GPC3: variants seen among roughly 807,000 people sequenced by gnomAD.
GPC3 encodes the protein glypican-3.
GPC3 carries 3 observed loss-of-function variants against 34.4 expected under a neutral mutation model. The ratio of observed to expected loss-of-function variants is 0.09; its 90% CI spans 0.04 to 0.23. The LOEUF (loss-of-function observed/expected upper bound fraction) is 0.23, where lower values mean the gene tolerates loss of function less well. Among genes scored for constraint, GPC3 ranks in the 10% least tolerant of loss-of-function variants. The pLI, the probability that GPC3 is intolerant of heterozygous loss-of-function variation, is 1.00. For synonymous variants in GPC3, 177 were observed against 174.0 expected (o/e 1.02, Z -0.13); for missense variants, 351 against 445.6 (o/e 0.79, Z 1.91).
chrX:133,887,844 T>C (rs891967665), intron 2 of GPC3, among the ~76,000 whole-genome samples: 4 of 111,856 alleles, frequency 3.6e-5, no homozygotes, highest in Admixed American at 9.6e-5. Context: ...CTTTTCGTTT[T>C]TGTTGCCTGA....
intron 7 of GPC3, among the ~76,000 whole-genome samples, chrX:133,590,306 T>C (rs1374628550): frequency 1.8e-5 from 2 of 111,254 alleles, no homozygotes; most frequent in Non-Finnish European, 3.8e-5. Context: ...TCTAAGGTAT[T>C]TTGTTATAGC....
intron 7 of GPC3, among the ~76,000 whole-genome samples, chrX:133,574,028 C>T (rs1295956963): frequency 8.9e-6 from 1 of 112,207 alleles, no homozygotes; most frequent in Non-Finnish European, 1.9e-5. Flanking sequence ...AACATGGGTC[C>T]ATCTTGAAAA....
chrX:133,952,612 T>C (rs1192931373), intron 2 of GPC3, among the ~76,000 whole-genome samples: 1 of 112,200 alleles, frequency 8.9e-6, no homozygotes, highest in Non-Finnish European at 1.9e-5. Flanking sequence ...AATGGGAAAA[T>C]CCTGGGCCAA....
chrX:133,802,105 G>A (rs1002582593), intron 2 of GPC3, among the ~76,000 whole-genome samples: 5 of 111,845 alleles, frequency 4.5e-5, no homozygotes, highest in African/African-American at 1.3e-4. Context: ...CAACATCAGA[G>A]TCAATACAAA....
chrX:133,967,926 C>A (rs2076471267), intron 1 of GPC3, among the ~76,000 whole-genome samples: 2 of 112,632 alleles, frequency 1.8e-5, no homozygotes, highest in African/African-American at 6.5e-5. Context: ...CCGTGTCCAG[C>A]CTGCTTTTTA....
intron 2 of GPC3, among the ~76,000 whole-genome samples, chrX:133,766,767 C>G (rs1383147683): frequency 8.9e-6 from 1 of 112,034 alleles, no homozygotes; most frequent in East Asian, 2.8e-4. Flanking sequence ...CACAGAACTC[C>G]TATTTGTCCA....
intron 4 of GPC3, among the ~76,000 whole-genome samples, chrX:133,693,156 AGTGTGTGT>A (rs57735935): frequency 0.037 from 3,287 of 89,314 alleles, 105 homozygotes; most frequent in African/African-American, 0.092. Flanking sequence ...TAATAAGACA[AGTGTGTGT>A]GTGTGTGTGT....
intron 1 of GPC3, among the ~76,000 whole-genome samples, chrX:133,980,236 G>A (rs2076532784): frequency 8.9e-6 from 1 of 112,169 alleles, no homozygotes; most frequent in Admixed American, 9.5e-5. Context: ...GGTAAGAGTT[G>A]CCAGCTAACT....
chrX:133,641,266 A>G (rs2070478302), intron 6 of GPC3, among the ~76,000 whole-genome samples: 1 of 110,611 alleles, frequency 9.0e-6, no homozygotes, highest in African/African-American at 3.3e-5. Flanking sequence ...ACTTGAGTTC[A>G]GGAGTTTGAG....
At chrX:133,801,147 A>G in intron 2 of GPC3, among the ~76,000 whole-genome samples, 1 of 111,958 alleles carries the variant, frequency 8.9e-6, no homozygotes, top group South Asian at 3.8e-4. Flanking sequence ...CTTTCTGGTA[A>G]GGAACACCTT....
Position 133,553,939 on chromosome X carries a change from G to A in GPC3, c.1574-17646C>T, listed in dbSNP as rs1003064608. ...GCTAGTTTACAGTTAATTCCTCAAT[G>A]GATTCTTTTCAGGGTTTCCATCCTG... On this transcript the variant is annotated intron_variant, in intron 7 of 7. Coordinates refer to ENST00000370818, the MANE Select transcript of GPC3 (RefSeq NM_004484.4). Among the ~76,000 whole-genome samples, 6 of 110,952 alleles carry A rather than the reference G, an allele frequency of 5.4e-5. No homozygotes were observed. The East Asian group carries it at 1.7e-3, about 31-fold the overall frequency.
intron 2 of GPC3, among the ~76,000 whole-genome samples, chrX:133,914,944 A>AATATATATATATATATATATAT (rs35086661): frequency 2.6e-4 from 13 of 49,938 alleles, no homozygotes; most frequent in African/African-American, 6.0e-4. Context: ...TCAAACTGGA[A>AATATATATATATATATATATAT]ATATATATAT....
At chrX:133,940,682 C>G (rs752358953) in intron 2 of GPC3, among the ~76,000 whole-genome samples, 2 of 111,747 alleles carry the variant, frequency 1.8e-5, no homozygotes, top group East Asian at 5.6e-4. Flanking sequence ...TTTACACTAT[C>G]TTCCCCTCCC....
intron 2 of GPC3, among the ~76,000 whole-genome samples, chrX:133,820,014 G>A (rs2075711498): frequency 9.0e-6 from 1 of 111,177 alleles, no homozygotes; most frequent in East Asian, 2.8e-4. Context: ...TTGTCTCTCC[G>A]GTCACTAAGA....
chrX:133,817,077 G>T (rs2075695574), intron 2 of GPC3, among the ~76,000 whole-genome samples: 1 of 111,679 alleles, frequency 9.0e-6, no homozygotes, highest in Admixed American at 9.6e-5. Flanking sequence ...TCACCTCGCT[G>T]CAAACTGGTT....
intron 1 of GPC3, among the ~76,000 whole-genome samples, chrX:133,967,086 G>T (rs372164256): frequency 8.9e-6 from 1 of 112,002 alleles, no homozygotes; most frequent in African/African-American, 3.2e-5. Context: ...AGACACAAGA[G>T]TTCTTGGTAA....
intron 2 of GPC3, among the ~76,000 whole-genome samples, chrX:133,768,111 G>A (rs2071869619): frequency 9.1e-6 from 1 of 109,854 alleles, no homozygotes; most frequent in Non-Finnish European, 1.9e-5. Flanking sequence ...GGCCATCGAG[G>A]CACTAAAGCA....
intron 1 of GPC3, among the ~76,000 whole-genome samples, chrX:133,954,882 G>A (rs756131212): frequency 1.4e-3 from 152 of 108,560 alleles, no homozygotes; most frequent in Non-Finnish European, 2.4e-3. Flanking sequence ...CAAGTAGCTG[G>A]GATTACAGGC....
intron 2 of GPC3, among the ~76,000 whole-genome samples, chrX:133,834,463 T>G (rs953589844): frequency 8.9e-6 from 1 of 111,757 alleles, no homozygotes; most frequent in Admixed American, 9.5e-5. Flanking sequence ...CTACTCAAAG[T>G]GTATGGATAA....
Sources: gnomAD v4.1 joint callset for allele counts (sites outside exome capture counted in the v4.1 genomes callset) on GRCh38, gnomAD v4.1.1 for gene constraint, MANE v1.5 for transcripts, NCBI Gene and HGNC (gene_info 2026-07-23, HGNC 2026-07-21) for gene names.